Variants in ZHX2 observed in about 807,000 individuals in gnomAD.
ZHX2 encodes the protein zinc fingers and homeoboxes 2.
Under a neutral mutation model 21.9 loss-of-function variants are expected in ZHX2, and 6 were observed. The observed-to-expected ratio is 0.27, with a 90% CI of 0.15 to 0.54. The LOEUF (loss-of-function observed/expected upper bound fraction) is 0.54, where lower values mean the gene tolerates loss of function less well. Ranked by LOEUF, ZHX2 falls within the 20% of genes least tolerant of loss-of-function variation. The pLI is 0.95. For missense variants in ZHX2, 908 were observed against 1,090.7 expected (o/e 0.83, Z 2.36); for synonymous variants, 434 against 437.1 (o/e 0.99, Z 0.09).
intron 1 of ZHX2, among the ~76,000 whole-genome samples, chr8:122,852,052 T>C (rs1586327190): frequency 6.6e-6 from 1 of 152,354 alleles, no homozygotes; most frequent in Admixed American, 6.5e-5. Flanking sequence ...GCCTCCTGGA[T>C]GATACGACTT....
chr8:122,850,356 G>A (rs1019092787), intron 1 of ZHX2, among the ~76,000 whole-genome samples: 8 of 151,924 alleles, frequency 5.3e-5, no homozygotes, highest in African/African-American at 1.5e-4. Context: ...CACCACTACC[G>A]GCCGGGCGCA....
chr8:122,875,147 A>T (rs200773349), intron 2 of ZHX2, among the ~76,000 whole-genome samples: 15 of 4,474 alleles, frequency 3.4e-3, no homozygotes, highest in African/African-American at 7.7e-3. Flanking sequence ...ATATATATAT[A>T]TATATATATA....
chr8:122,885,995 G>T (rs1453444052), intron 2 of ZHX2, among the ~76,000 whole-genome samples: 1 of 152,030 alleles, frequency 6.6e-6, no homozygotes, highest in Non-Finnish European at 1.5e-5. Flanking sequence ...TTGAAAGGCT[G>T]CCAATTCAGG....
chr8:122,962,233 G>A (rs1813474245), intron 3 of ZHX2, among the ~76,000 whole-genome samples: 1 of 152,196 alleles, frequency 6.6e-6, no homozygotes, highest in African/African-American at 2.4e-5. Flanking sequence ...CACCCGAGCA[G>A]TGTACACTGC....
At chr8:122,838,844 G>A (rs968430469) in intron 1 of ZHX2, among the ~76,000 whole-genome samples, 4 of 152,040 alleles carry the variant, frequency 2.6e-5, no homozygotes, top group Non-Finnish European at 5.9e-5. Context: ...CAGAGTGCTG[G>A]AATTACAAGC....
At chr8:122,817,288 C>T (rs1395795942) in intron 1 of ZHX2, among the ~76,000 whole-genome samples, 1 of 152,208 alleles carries the variant, frequency 6.6e-6, no homozygotes, top group Admixed American at 6.5e-5. Context: ...TCACTCTTAG[C>T]TCCCACAAGT....
In ZHX2 at chr8:122,952,252, C is replaced by G. The variant is rs373784562; in HGVS notation, c.742C>G (p.Leu248Val). Residue 248 changes from leucine (L) to valine (V), a missense_variant, in exon 3 of 4, where the codon CTG becomes GTG. Leu to Val is a conservative substitution (Grantham distance 32, BLOSUM62 1). Transcript: ENST00000314393. This position sits in a 1 kb window ranked among gnomAD's most constrained non-coding sequence, Gnocchi z 6.9. Reference protein sequence around the residue: ...TLGHVMPSVQLPPNINLVPKV... With the variant: ...TLGHVMPSVQVPPNINLVPKV... ...AGGACACGTCATGCCTTCTGTACAG[C>G]TGCCACCAAATATCAACCTTGTGCC... The G allele has an allele frequency of 1.5e-5, 24 of 1,614,000 alleles. No homozygotes were observed. The highest frequency in any genetic ancestry group is 1.9e-5 in the Non-Finnish European group (23 of 1,180,038).
At chr8:122,812,982 G>A (rs1340372556) in intron 1 of ZHX2, among the ~76,000 whole-genome samples, 2 of 152,124 alleles carry the variant, frequency 1.3e-5, no homozygotes, top group African/African-American at 4.8e-5. Context: ...GTTCACCTGA[G>A]GTCAAGAGTT....
At chr8:122,858,165 C>G (rs2130762994) in intron 1 of ZHX2, among the ~76,000 whole-genome samples, 1 of 152,298 alleles carries the variant, frequency 6.6e-6, no homozygotes, top group Non-Finnish European at 1.5e-5. Flanking sequence ...TGGGCTGGCT[C>G]CAGCCAGGGT....
At chr8:122,827,314 A>G (rs1754913309) in intron 1 of ZHX2, among the ~76,000 whole-genome samples, 1 of 152,232 alleles carries the variant, frequency 6.6e-6, no homozygotes, top group Non-Finnish European at 1.5e-5. Flanking sequence ...CTGGGATTAC[A>G]GGTGTAAGCC....
chr8:122,887,981 C>T (rs887366701), intron 2 of ZHX2, among the ~76,000 whole-genome samples: 1 of 152,194 alleles, frequency 6.6e-6, no homozygotes, highest in Admixed American at 6.5e-5. Flanking sequence ...GTACTGCAGC[C>T]AGCCTCCTGC....
chr8:122,897,642 C>T (rs549795330), intron 2 of ZHX2, among the ~76,000 whole-genome samples: 5 of 151,842 alleles, frequency 3.3e-5, no homozygotes, highest in Non-Finnish European at 7.4e-5. Flanking sequence ...ACTAGGTTAG[C>T]ATCCCAGAGT....
intron 2 of ZHX2, among the ~76,000 whole-genome samples, chr8:122,887,235 C>T (rs764585764): frequency 1.3e-5 from 2 of 151,888 alleles, no homozygotes; most frequent in East Asian, 1.9e-4. Context: ...AAACTTCAGC[C>T]GGGCGTGGTG....
At chr8:122,851,180 AG>A (rs1818888408) in intron 1 of ZHX2, among the ~76,000 whole-genome samples, 1 of 152,230 alleles carries the variant, frequency 6.6e-6, no homozygotes, top group East Asian at 1.9e-4. Context: ...TCTATTTTGC[AG>A]ACAGAACGGC....
At chr8:122,876,885 G>T (rs376003934) in intron 2 of ZHX2, among the ~76,000 whole-genome samples, 2 of 152,330 alleles carry the variant, frequency 1.3e-5, no homozygotes, top group East Asian at 3.9e-4. Context: ...ACAAGCAGTT[G>T]CAGGGATTGG....
intron 1 of ZHX2, among the ~76,000 whole-genome samples, chr8:122,800,001 G>A (rs1298061974): frequency 6.6e-6 from 1 of 152,130 alleles, no homozygotes; most frequent in Non-Finnish European, 1.5e-5. Flanking sequence ...GGGATTACAG[G>A]CATGTGCCAC....
chr8:122,952,902 T>A lies in ZHX2; in HGVS notation c.1392T>A (p.Pro464=). 1 of 1,614,182 alleles carries A rather than the reference T, an allele frequency of 6.2e-7. No individual in the cohort carries two copies. ...LKASFLQSQF[P]DDAEVYRLIE... is the part of the protein sequence containing the mutation. ...CCAGCTTTCTCCAGAGCCAGTTCCC[T>A]GACGATGCCGAGGTTTACCGGCTCA... Residue 464 remains proline, a synonymous_variant, in exon 3 of 4, where the codon CCT becomes CCA. Transcript: ENST00000314393. The surrounding 1 kb of genome is among the most constrained non-coding windows in gnomAD (Gnocchi z 6.9).
At chr8:122,818,569 G>A (rs527526896) in intron 1 of ZHX2, among the ~76,000 whole-genome samples, 1 of 152,288 alleles carries the variant, frequency 6.6e-6, no homozygotes, top group Admixed American at 6.5e-5. Context: ...AGGCCTAAAT[G>A]AGGGCGTATC....
chr8:122,893,338 C>G (rs1427926459), intron 2 of ZHX2, among the ~76,000 whole-genome samples: 1 of 152,104 alleles, frequency 6.6e-6, no homozygotes, highest in Non-Finnish European at 1.5e-5. Context: ...TTTGAAATTC[C>G]TAGATCTGGA....
Sources: allele counts gnomAD v4.1 joint callset (sites outside exome capture counted in the v4.1 genomes callset), GRCh38; gene constraint gnomAD v4.1.1; non-coding constraint Gnocchi (gnomAD v3.1); transcripts MANE v1.5; gene names NCBI Gene and HGNC (gene_info 2026-07-23, HGNC 2026-07-21).